ARID1B: variants seen among roughly 807,000 people sequenced by gnomAD.
ARID1B encodes AT-rich interactive domain-containing protein 1B.
ARID1B carries 30 observed loss-of-function variants against 212.3 expected under a neutral mutation model. The ratio of observed to expected loss-of-function variants is 0.14; its 90% CI spans 0.11 to 0.19. ARID1B has a LOEUF of 0.19. Ranked by LOEUF, ARID1B falls within the 10% of genes least tolerant of loss-of-function variation. The pLI is 1.00. For synonymous variants in ARID1B, 1,402 were observed against 1,301.7 expected (o/e 1.08, Z -1.66); for missense variants, 2,891 against 3,204.0 (o/e 0.90, Z 2.36).
intron 4 of ARID1B, among the ~76,000 whole-genome samples, chr6:157,079,766 T>G (rs1784522576): frequency 6.6e-6 from 1 of 152,212 alleles, no homozygotes; most frequent in East Asian, 1.9e-4. Flanking sequence ...TATTTACCGA[T>G]GAACAATCAT....
intron 2 of ARID1B, among the ~76,000 whole-genome samples, chr6:156,864,597 A>C (rs552406692): frequency 6.6e-6 from 1 of 152,200 alleles, no homozygotes; most frequent in Non-Finnish European, 1.5e-5. Flanking sequence ...GCCCATGCCC[A>C]CGTCCCCAGA....
chr6:156,861,076 G>A (rs1464104889), intron 2 of ARID1B, among the ~76,000 whole-genome samples: 8 of 152,188 alleles, frequency 5.3e-5, no homozygotes, highest in African/African-American at 1.4e-4. Flanking sequence ...GAGCCGAGAC[G>A]GAGAGGTACT....
intron 2 of ARID1B, among the ~76,000 whole-genome samples, chr6:156,838,732 T>TAATAAA (rs1229798384): frequency 2.0e-5 from 3 of 149,174 alleles, no homozygotes; most frequent in African/African-American, 2.5e-5. Context: ...ATAATAATAA[T>TAATAAA]AAACAAAAAA....
chr6:156,999,900 G>A (rs114356962), intron 4 of ARID1B, among the ~76,000 whole-genome samples: 2,072 of 152,308 alleles, frequency 0.014, 33 homozygotes, highest in African/African-American at 0.045. Flanking sequence ...GGGAGCTTGT[G>A]TTCTAGAAGA....
intron 5 of ARID1B, among the ~76,000 whole-genome samples, chr6:157,090,406 T>C (rs1387950552): frequency 6.6e-6 from 1 of 152,236 alleles, no homozygotes; most frequent in Non-Finnish European, 1.5e-5. Context: ...GCATTAGGCA[T>C]TTGGTATTTG....
intron 3 of ARID1B, among the ~76,000 whole-genome samples, chr6:156,918,887 C>G (rs1263559307): frequency 6.6e-6 from 1 of 152,130 alleles, no homozygotes; most frequent in Non-Finnish European, 1.5e-5. Context: ...TCTCTGTTCC[C>G]TTTTTCTCCC....
At chr6:156,952,491 AT>A (rs910857431) in intron 4 of ARID1B, among the ~76,000 whole-genome samples, 3 of 152,184 alleles carry the variant, frequency 2.0e-5, no homozygotes, top group Admixed American at 6.6e-5. Flanking sequence ...GGCTGGCTTG[AT>A]TTCCCATCCT....
At chr6:156,841,433 A>C (rs796678702) in intron 2 of ARID1B, among the ~76,000 whole-genome samples, 1 of 152,246 alleles carries the variant, frequency 6.6e-6, no homozygotes, top group African/African-American at 2.4e-5. Context: ...TAGACATATA[A>C]TTTTGATGAT....
chr6:156,962,934 A>T (rs575460350), intron 4 of ARID1B, among the ~76,000 whole-genome samples: 1 of 130,098 alleles, frequency 7.7e-6, no homozygotes, highest in Non-Finnish European at 1.6e-5. Context: ...GGCGTGCGCC[A>T]CCACGGCCAG....
At chr6:156,818,681 ATACT>A in intron 1 of ARID1B, among the ~76,000 whole-genome samples, 1 of 152,174 alleles carries the variant, frequency 6.6e-6, no homozygotes, top group Non-Finnish European at 1.5e-5. Flanking sequence ...ACCTGATGAC[ATACT>A]TTTAGGCTCT....
intron 4 of ARID1B, among the ~76,000 whole-genome samples, chr6:157,006,855 T>A (rs1325547681): frequency 1.3e-5 from 2 of 152,370 alleles, no homozygotes; most frequent in East Asian, 3.9e-4. Context: ...TTTTTTGTCT[T>A]TTTTCACGTG....
At chr6:157,019,303 G>A (rs987709179) in intron 4 of ARID1B, among the ~76,000 whole-genome samples, 1 of 152,198 alleles carries the variant, frequency 6.6e-6, no homozygotes, top group African/African-American at 2.4e-5. Flanking sequence ...TTGGTAATGG[G>A]AATGGAGGCT....
chr6:156,893,291 G>T (rs549028626), intron 2 of ARID1B, among the ~76,000 whole-genome samples: 1 of 152,246 alleles, frequency 6.6e-6, no homozygotes, highest in South Asian at 2.1e-4. Flanking sequence ...CGTCCGAAGT[G>T]CTGGGATTAC....
intron 3 of ARID1B, among the ~76,000 whole-genome samples, chr6:156,915,773 G>C (rs1442817594): frequency 6.6e-6 from 1 of 151,902 alleles, no homozygotes; most frequent in African/African-American, 2.4e-5. Context: ...GTGCATACCT[G>C]TAGTTGCAGC....
intron 8 of ARID1B, chr6:157,150,072 A>T (rs565910501): frequency 5.0e-4 from 76 of 152,366 alleles, no homozygotes; most frequent in African/African-American, 1.7e-3. Flanking sequence ...ATATTTTTGT[A>T]AACCTGTCTG....
At chr6:156,874,257 A>G (rs1225924921) in intron 2 of ARID1B, among the ~76,000 whole-genome samples, 1 of 152,070 alleles carries the variant, frequency 6.6e-6, no homozygotes, top group African/African-American at 2.4e-5. Flanking sequence ...TAGAGACAGG[A>G]TCTACCTGTG....
chr6:156,835,239 CA>C (rs58070286), intron 2 of ARID1B, among the ~76,000 whole-genome samples: 45,337 of 107,506 alleles, frequency 0.42, 5,893 homozygotes, highest in South Asian at 0.5. Context: ...GACTCTGTCA[CA>C]AAAAAAAAAA....
In ARID1B at chr6:157,183,451, C is replaced by T. The variant is rs1013618366; in HGVS notation, c.3715-780C>T. Among the ~76,000 whole-genome samples the T allele has an allele frequency of 1.2e-4, 19 of 152,230 alleles. 1 individual carries two copies. Among genetic ancestry groups the T allele is most frequent in the Non-Finnish European group, 4.4e-5 (3 of 68,044 alleles). ...CGCAGGAGACATCAAAAGGCAAAAC[C>T]TTCCCCAAGTTATTTGCAAATCCTC... On this transcript the variant is annotated intron_variant, in intron 12 of 19. Transcript: ENST00000636930.
intron 4 of ARID1B, among the ~76,000 whole-genome samples, chr6:157,084,138 C>CA (rs1476555468): frequency 4.0e-5 from 6 of 149,046 alleles, no homozygotes; most frequent in African/African-American, 1.5e-4. Context: ...TCATCACCTC[C>CA]CCCCCAAAAA....
Sources: allele counts gnomAD v4.1 joint callset (sites outside exome capture counted in the v4.1 genomes callset), GRCh38; gene constraint gnomAD v4.1.1; transcripts MANE v1.5; gene names NCBI Gene and HGNC (gene_info 2026-07-23, HGNC 2026-07-21).